The following PEPD variants were observed in gnomAD, a reference collection of about 807,000 sequenced individuals.
The protein encoded by PEPD is peptidase D.
A neutral mutation model predicts 60.7 loss-of-function variants in PEPD; 53 were observed. The observed-to-expected ratio is 0.87, with a 90% CI of 0.70 to 1.10. PEPD has a LOEUF of 1.10. PEPD is among the 50% of genes least tolerant of loss of function. The pLI, the probability that PEPD is intolerant of heterozygous loss-of-function variation, is 0.00. For missense variants in PEPD, 711 were observed against 711.9 expected, an observed-to-expected ratio of 1.00 and a Z score of 0.01; for synonymous variants, 267 against 284.1, an observed-to-expected ratio of 0.94 and a Z score of 0.60.
intron 6 of PEPD, among the ~76,000 whole-genome samples, chr19:33,486,304 C>T (rs1970396373): frequency 1.3e-5 from 2 of 150,634 alleles, no homozygotes; most frequent in South Asian, 4.2e-4. Context: ...AGCACCCGAC[C>T]CCATGCCCAC....
At chr19:33,479,185 G>A (rs1970272268) in intron 6 of PEPD, among the ~76,000 whole-genome samples, 2 of 150,414 alleles carry the variant, frequency 1.3e-5, no homozygotes, top group South Asian at 2.1e-4. Context: ...TAATCATTAA[G>A]AAAACAGCTA....
At chr19:33,479,352 T>C (rs1970274848) in intron 6 of PEPD, among the ~76,000 whole-genome samples, 1 of 152,144 alleles carries the variant, frequency 6.6e-6, no homozygotes, top group South Asian at 2.1e-4. Flanking sequence ...AATAATTACT[T>C]TAGATGTAAA....
chr19:33,482,463 C>T (rs1970327476), intron 6 of PEPD, among the ~76,000 whole-genome samples: 1 of 152,160 alleles, frequency 6.6e-6, no homozygotes, highest in Non-Finnish European at 1.5e-5. Context: ...AGAGCATCTA[C>T]AAAAAACTCC....
At chr19:33,485,685 CA>C (rs940090536) in intron 6 of PEPD, among the ~76,000 whole-genome samples, 20 of 152,092 alleles carry the variant, frequency 1.3e-4, no homozygotes, top group African/African-American at 4.8e-4. Context: ...TAACAACCCC[CA>C]AATTCAGAAT....
At chr19:33,418,385 C>T (rs960313219) in intron 9 of PEPD, among the ~76,000 whole-genome samples, 1 of 152,130 alleles carries the variant, frequency 6.6e-6, no homozygotes, top group Non-Finnish European at 1.5e-5. Context: ...CCTTATGGTC[C>T]CCAAAGTGGG....
intron 11 of PEPD, among the ~76,000 whole-genome samples, chr19:33,404,537 C>G (rs1442524767): frequency 6.6e-6 from 1 of 152,200 alleles, no homozygotes; most frequent in African/African-American, 2.4e-5. Context: ...AAAAACAAGA[C>G]TGTTCTCCAG....
At chr19:33,440,598 C>T (rs1451839073) in intron 9 of PEPD, among the ~76,000 whole-genome samples, 1 of 152,176 alleles carries the variant, frequency 6.6e-6, no homozygotes, top group Admixed American at 6.5e-5. Context: ...GTCCCTCGCC[C>T]ACTTTGGGTC....
intron 9 of PEPD, among the ~76,000 whole-genome samples, chr19:33,443,760 G>C (rs528856217): frequency 6.6e-6 from 1 of 152,230 alleles, no homozygotes; most frequent in African/African-American, 2.4e-5. Flanking sequence ...GGGGGTGCGC[G>C]TAATGGGTGT....
At chr19:33,451,281 C>T (rs1969694152) in intron 9 of PEPD, among the ~76,000 whole-genome samples, 2 of 152,098 alleles carry the variant, frequency 1.3e-5, no homozygotes, top group Non-Finnish European at 2.9e-5. Context: ...CAAAACTATG[C>T]TAAGTTTCTA....
intron 9 of PEPD, among the ~76,000 whole-genome samples, chr19:33,444,077 G>A (rs80002933): frequency 0.011 from 1,703 of 152,098 alleles, 25 homozygotes; most frequent in South Asian, 0.071. Flanking sequence ...ATGGGTGCGC[G>A]CACACATACA....
At chr19:33,446,815 C>T (rs1355731586) in intron 9 of PEPD, among the ~76,000 whole-genome samples, 1 of 152,248 alleles carries the variant, frequency 6.6e-6, no homozygotes, top group Non-Finnish European at 1.5e-5. Context: ...CACGGCTTTC[C>T]GATGTGCCTC....
intron 12 of PEPD, among the ~76,000 whole-genome samples, chr19:33,392,803 G>C (rs1398802248): frequency 6.6e-6 from 1 of 152,204 alleles, no homozygotes; most frequent in African/African-American, 2.4e-5. Context: ...CTCTGTGGCT[G>C]GCGGAGGGCA....
At chr19:33,406,419 C>G (rs908213762) in intron 11 of PEPD, among the ~76,000 whole-genome samples, 12 of 152,200 alleles carry the variant, frequency 7.9e-5, no homozygotes, top group African/African-American at 2.2e-4. Flanking sequence ...TGGGATGGGA[C>G]GGCCATGCCT....
chr19:33,492,233 G>A (rs1009046223), intron 5 of PEPD, among the ~76,000 whole-genome samples: 1 of 151,924 alleles, frequency 6.6e-6, no homozygotes, highest in African/African-American at 2.4e-5. Flanking sequence ...CGTACCCAGA[G>A]CCCACCTCGC....
intron 9 of PEPD, among the ~76,000 whole-genome samples, chr19:33,442,696 G>A (rs1023561569): frequency 2.6e-5 from 4 of 151,802 alleles, no homozygotes; most frequent in Non-Finnish European, 4.4e-5. Flanking sequence ...GCAACAGAGC[G>A]AGACTCCATC....
intron 7 of PEPD, among the ~76,000 whole-genome samples, chr19:33,473,332 T>C (rs1426035756): frequency 2.0e-5 from 3 of 152,102 alleles, no homozygotes; most frequent in Admixed American, 6.5e-5. Flanking sequence ...TCTACGTATC[T>C]TTTCTAATTT....
intron 4 of PEPD, among the ~76,000 whole-genome samples, chr19:33,496,489 C>T (rs549670887): frequency 1.4e-4 from 21 of 152,302 alleles, no homozygotes; most frequent in African/African-American, 3.4e-4. Context: ...CAGCTCCACC[C>T]GCCCTTCCCC....
At chr19:33,396,510 C>T (rs576918415) in intron 12 of PEPD, among the ~76,000 whole-genome samples, 235 of 152,310 alleles carry the variant, frequency 1.5e-3, no homozygotes, top group Middle Eastern at 0.014. Flanking sequence ...GGCAGCACCC[C>T]CGTCACTCAC....
chr19:33,493,053 T>C (rs11881847), intron 5 of PEPD, among the ~76,000 whole-genome samples: 2,159 of 152,246 alleles, frequency 0.014, 57 homozygotes, highest in African/African-American at 0.049. Context: ...ACTTTTTAAT[T>C]TGTTGTAAAG....
Sources: gnomAD v4.1 joint callset for allele counts (sites outside exome capture counted in the v4.1 genomes callset) on GRCh38, gnomAD v4.1.1 for gene constraint, MANE v1.5 for transcripts, NCBI Gene and HGNC (gene_info 2026-07-23, HGNC 2026-07-21) for gene names.